The following NIPSNAP3A variants were observed in gnomAD, a reference collection of about 807,000 sequenced individuals.
The protein encoded by NIPSNAP3A is nipsnap homolog 3A.
NIPSNAP3A carries 27 observed loss-of-function variants against 32.3 expected under a neutral mutation model. The observed-to-expected ratio is 0.84, with a 90% confidence interval of 0.62 to 1.15. NIPSNAP3A has a LOEUF of 1.15. Among genes scored for constraint, NIPSNAP3A ranks in the 50% most tolerant of loss-of-function variants. The pLI, the probability that NIPSNAP3A is intolerant of heterozygous loss-of-function variation, is 0.00. For synonymous variants in NIPSNAP3A, 108 were observed against 107.3 expected, an observed-to-expected ratio of 1.01 and a Z score of -0.04; for missense variants, 278 against 297.2, an observed-to-expected ratio of 0.94 and a Z score of 0.48.
intron 2 of NIPSNAP3A, among the ~76,000 whole-genome samples, chr9:104,751,763 G>A (rs1564051420): frequency 6.6e-6 from 1 of 152,170 alleles, no homozygotes; most frequent in Admixed American, 6.5e-5. Context: ...GAGTTTTGAG[G>A]AATTCACTGT....
chr9:104,748,008 C>CCAAG (rs1426950695), intron 1 of NIPSNAP3A, among the ~76,000 whole-genome samples, 156 bp downstream of exon 1: 10 of 152,226 alleles, frequency 6.6e-5, no homozygotes, highest in Non-Finnish European at 1.3e-4. Context: ...CCCCGGAACC[C>CCAAG]CAAGACAGGG....
chr9:104,756,976 G>A (rs1428118770), intron 4 of NIPSNAP3A, among the ~76,000 whole-genome samples: 3 of 151,790 alleles, frequency 2.0e-5, no homozygotes, highest in Non-Finnish European at 4.4e-5. Flanking sequence ...GCTAATTTTT[G>A]TATTTTTAGT....
chr9:104,759,003 GA>G, intron 4 of NIPSNAP3A, 81 bp from the exon 5 acceptor site: 1 of 1,081,034 alleles, frequency 9.3e-7, no homozygotes, highest in Non-Finnish European at 1.4e-6. Flanking sequence ...AAAAGAATAG[GA>G]TGGGTTTGAT....
At chr9:104,748,568 C>T (rs966705358) in intron 1 of NIPSNAP3A, among the ~76,000 whole-genome samples, 2 of 152,154 alleles carry the variant, frequency 1.3e-5, no homozygotes, top group Non-Finnish European at 2.9e-5. Context: ...TCGGGAGTGG[C>T]CTATTCTGTG....
At position 104,751,055 on chromosome 9, in the gene NIPSNAP3A, G is replaced by C. The variant is rs765120316; in HGVS notation, c.160G>C (p.Glu54Gln). 7 of 1,613,862 alleles carry C rather than the reference G, an allele frequency of 4.3e-6. No homozygotes were observed. In the Admixed American group the frequency reaches 1.2e-4, roughly 27 times the overall value. ...LKPSKMNEFL[E>Q]NFEKNAHLRT... ...GCCCTCAAAGATGAATGAGTTCCTGGAAAATTTTGAGAAAAACGCTCATCT... is the reference window on the plus strand; with the variant it reads ...GCCCTCAAAGATGAATGAGTTCCTGCAAAATTTTGAGAAAAACGCTCATCT... Residue 54 changes from glutamate (E) to glutamine (Q), a missense_variant, in exon 2 of 6, where the codon GAA (glutamate) becomes CAA (glutamine). Transcript: ENST00000374767.
Position 104,759,299 on chromosome 9 carries a change from T to C in NIPSNAP3A, c.705T>C (p.Asn235=). The change falls in exon 6 of 6, where the codon AAT becomes AAC. Residue 235 remains asparagine, a synonymous_variant. Transcript: ENST00000374767. ...ESVNYLVSQQ[N]MLLIPTSFSP... is the part of the protein sequence containing the mutation. ...TCAACTACCTAGTATCTCAGCAGAATATGCTTCTGATTCCTACATCGTTTT... is the reference window on the plus strand; with the variant it reads ...TCAACTACCTAGTATCTCAGCAGAACATGCTTCTGATTCCTACATCGTTTT... The C allele has an allele frequency of 1.2e-6, 2 of 1,614,068 alleles. No homozygotes were observed. The highest frequency in any genetic ancestry group is 1.7e-6 in the Non-Finnish European group (2 of 1,180,004).
In NIPSNAP3A at chr9:104,752,984, AT is replaced by A. The variant is rs1827863845; in HGVS notation, c.353del (p.Leu118TrpfsTer20). 1 of 1,613,176 alleles carries A rather than the reference AT, an allele frequency of 6.2e-7. No homozygotes were observed. ...KEWQEQFLIP[N>X]LALIDKQESE... ...TGGCAAGAACAATTCCTCATTCCAAATTTGGCTCTCATTGATAAACAAGAGA... is the reference window on the plus strand; with the variant it reads ...TGGCAAGAACAATTCCTCATTCCAAATTGGCTCTCATTGATAAACAAGAGA... On this transcript the variant is annotated frameshift_variant, in exon 3 of 6. Transcript: ENST00000374767. LOFTEE classifies it high-confidence loss of function.
chr9:104,756,179 C>G (rs540000870), intron 4 of NIPSNAP3A, among the ~76,000 whole-genome samples: 1 of 152,128 alleles, frequency 6.6e-6, no homozygotes, highest in East Asian at 1.9e-4. Flanking sequence ...TTATTAGATG[C>G]CTATCTCACA....
At chr9:104,755,100 G>C (rs1405505735) in intron 4 of NIPSNAP3A, among the ~76,000 whole-genome samples, 1 of 152,050 alleles carries the variant, frequency 6.6e-6, no homozygotes, top group Non-Finnish European at 1.5e-5. Flanking sequence ...AATTAGCCAG[G>C]CATGGTGGTG....
rs769911726 is a variant in NIPSNAP3A, at chr9:104,754,606, T to A, written c.486T>A (p.Gly162=). The change falls in exon 4 of 6, where the codon GGT becomes GGA. Residue 162 remains glycine, a synonymous_variant. Coordinates refer to ENST00000374767, the MANE Select transcript of NIPSNAP3A (RefSeq NM_015469.3). ...AACCTGGTGGGCCAGCTCTGTGGGGTGATGCATTTAAAAGGGCAGTTCATG... is the reference window on the plus strand; with the variant it reads ...AACCTGGTGGGCCAGCTCTGTGGGGAGATGCATTTAAAAGGGCAGTTCATG... ...QMKPGGPALW[G]DAFKRAVHAH... The A allele has an allele frequency of 3.7e-6, 6 of 1,613,872 alleles. No homozygotes were observed. The highest frequency in any genetic ancestry group is 3.4e-6 in the Non-Finnish European group (4 of 1,179,940).
At chr9:104,758,074 C>T (rs79621459) in intron 4 of NIPSNAP3A, among the ~76,000 whole-genome samples, 16,939 of 151,798 alleles carry the variant, frequency 0.11, 1,195 homozygotes, top group East Asian at 0.26. Flanking sequence ...CAATTTTGTA[C>T]AAGAACAACA....
chr9:104,751,420 T>C (rs1219141087), intron 2 of NIPSNAP3A, among the ~76,000 whole-genome samples: 2 of 152,164 alleles, frequency 1.3e-5, no homozygotes, highest in African/African-American at 4.8e-5. Flanking sequence ...TGGCATCTCA[T>C]ATATCAAGCG....
chr9:104,754,704 C>T lies in NIPSNAP3A; in HGVS notation c.580+4C>T. 6.2e-7 allele frequency: 1 copy of T among 1,611,648 alleles called. No individual in the cohort carries two copies. The highest frequency in any genetic ancestry group is 8.5e-7 in the Non-Finnish European group (1 of 1,177,878). On this transcript the variant is annotated splice_donor_region_variant and intron_variant, in intron 4 of 5. Transcript: ENST00000374767. ...GAGTACGGAGCACTCAACAGAGGTA[C>T]AATTGTCCATTTCTTCTTATATGAA...
intron 2 of NIPSNAP3A, among the ~76,000 whole-genome samples, chr9:104,752,562 C>G (rs1168600581): frequency 6.6e-6 from 1 of 152,156 alleles, no homozygotes; most frequent in Non-Finnish European, 1.5e-5. Flanking sequence ...TTAATTTAAT[C>G]CTCATACAAC....
intron 4 of NIPSNAP3A, among the ~76,000 whole-genome samples, chr9:104,756,867 G>A (rs1416353974): frequency 7.1e-6 from 1 of 140,518 alleles, no homozygotes; most frequent in African/African-American, 2.7e-5. Flanking sequence ...GTGCAGGTAC[G>A]ATCTCAGCTC....
intron 1 of NIPSNAP3A, among the ~76,000 whole-genome samples, chr9:104,749,912 T>C (rs554548476): frequency 6.6e-6 from 1 of 152,350 alleles, no homozygotes; most frequent in East Asian, 1.9e-4. Context: ...AAGAAAATTT[T>C]GACTCTGAAT....
chr9:104,747,750 A>G lies in NIPSNAP3A; in HGVS notation c.-43A>G. On this transcript the variant is annotated 5_prime_UTR_variant, in exon 1 of 6. Transcript: ENST00000374767. Reference sequence around the variant, plus strand: ...CGGGAAACCTTCAGAGGAGTCTCAGAAAGGACACGGCTGGCTGCTTTTCTC... The same window carrying G: ...CGGGAAACCTTCAGAGGAGTCTCAGGAAGGACACGGCTGGCTGCTTTTCTC... The G allele has an allele frequency of 6.3e-7, 1 of 1,586,490 alleles. No homozygotes were observed. Among genetic ancestry groups the G allele is most frequent in the Non-Finnish European group, 8.6e-7 (1 of 1,165,174 alleles).
rs1827950385 is a variant in NIPSNAP3A at position 104,759,649 on chromosome 9, G to C, written c.*311G>C. 7.3e-6 allele frequency: 2 copies of C among 274,858 alleles called. No homozygotes were observed. Among genetic ancestry groups the C allele is most frequent in the Middle Eastern group, 1.2e-3 (1 of 810 alleles). The allele number at this position is 274,858 out of a possible 1,614,324, so 17.0% of individuals were successfully genotyped here. A position where few individuals can be genotyped will look rare whatever the true frequency, so the allele number is the denominator to read the frequency against. ...TATTCTGACAACTCTTTGCTTTATA[G>C]CATTTTGTTGTATTCAAATGATAAT... On this transcript the variant is annotated 3_prime_UTR_variant, in exon 6 of 6. Transcript: ENST00000374767.
intron 1 of NIPSNAP3A, 110 bp downstream of exon 1, chr9:104,747,962 C>G: frequency 9.1e-7 from 1 of 1,093,276 alleles, no homozygotes; most frequent in South Asian, 1.6e-5. Flanking sequence ...GCCACGCGCG[C>G]CCAGACCTGG....
Sources: gnomAD v4.1 joint callset for allele counts (sites outside exome capture counted in the v4.1 genomes callset) on GRCh38, gnomAD v4.1.1 for gene constraint, MANE v1.5 for transcripts, NCBI Gene and HGNC (gene_info 2026-07-23, HGNC 2026-07-21) for gene names.